ADD1: variants seen among roughly 807,000 people sequenced by gnomAD.
ADD1 encodes the protein adducin 1.
A neutral mutation model predicts 80.5 loss-of-function variants in ADD1; 24 were observed. The ratio of observed to expected loss-of-function variants is 0.30; its 90% CI spans 0.22 to 0.42. The LOEUF is 0.42. Among genes scored for constraint, ADD1 ranks in the 10% least tolerant of loss-of-function variants. The pLI, the probability that ADD1 is intolerant of heterozygous loss-of-function variation, is 1.00. For synonymous variants in ADD1, 373 were observed against 393.8 expected, an observed-to-expected ratio of 0.95 and a Z score of 0.63; for missense variants, 948 against 1,019.0, an observed-to-expected ratio of 0.93 and a Z score of 0.95.
At chr4:2,889,169 T>A (rs1181383428) in intron 4 of ADD1, among the ~76,000 whole-genome samples, 2 of 152,096 alleles carry the variant, frequency 1.3e-5, no homozygotes, top group Admixed American at 1.3e-4. Flanking sequence ...TGCAGAGGGA[T>A]CAGTAGGGCC....
intron 6 of ADD1, among the ~76,000 whole-genome samples, chr4:2,895,889 A>AT (rs1434204816): frequency 0.014 from 2,064 of 142,418 alleles, 21 homozygotes; most frequent in Non-Finnish European, 0.022. Flanking sequence ...GTAATGCTGT[A>AT]TTTTTTTTTT....
At position 2,908,512 on chromosome 4, in the gene ADD1, C is replaced by T. The variant is rs1041020211; in HGVS notation, c.1609-3C>T. Reference sequence around the variant, plus strand: ...GATGTGTGCCTCTCCTTCCCACCCTCAGATCCGAGAGCAGAATTTACAGGA... The same window carrying T: ...GATGTGTGCCTCTCCTTCCCACCCTTAGATCCGAGAGCAGAATTTACAGGA... On this transcript the variant is annotated splice_region_variant and splice_polypyrimidine_tract_variant and intron_variant, in intron 11 of 15. Transcript: ENST00000683351. 2 of 1,613,852 alleles carry T rather than the reference C, an allele frequency of 1.2e-6. No individual in the cohort carries two copies. The highest frequency in any genetic ancestry group is 3.3e-5 in the Admixed American group (2 of 60,012).
intron 4 of ADD1, chr4:2,887,486 A>G (rs1477510017): frequency 6.6e-6 from 1 of 151,538 alleles, no homozygotes; most frequent in East Asian, 1.9e-4. Flanking sequence ...GGGGTGGCCC[A>G]GTTAGCACAG....
chr4:2,848,075 C>G (rs543157433), intron 1 of ADD1, among the ~76,000 whole-genome samples: 1 of 152,052 alleles, frequency 6.6e-6, no homozygotes, highest in African/African-American at 2.4e-5. Context: ...ATTAGTCAGG[C>G]TTGGTGGTGG....
At chr4:2,854,723 A>G (rs181533809) in intron 1 of ADD1, 365 of 152,186 alleles carry the variant, frequency 2.4e-3, no homozygotes, top group African/African-American at 8.4e-3. Context: ...TTTGCCTGGT[A>G]TTTGTATTTT....
In ADD1 at chr4:2,895,944, A is replaced by G. The variant is rs1037085861; in HGVS notation, c.741+1213A>G. 3.3e-5 allele frequency among the ~76,000 whole-genome samples: 5 copies of G among 151,042 alleles called. No homozygotes were observed. The East Asian group carries it at 7.8e-4, about 23-fold the overall frequency. On this transcript the variant is annotated intron_variant, in intron 6 of 15. Transcript: ENST00000683351. ...GCTCTGTCATCCAGGCTGGAGTGCAATGGCGCGATCGCGGCTCACTGCAAG... is the reference window on the plus strand; with the variant it reads ...GCTCTGTCATCCAGGCTGGAGTGCAGTGGCGCGATCGCGGCTCACTGCAAG...
chr4:2,869,209 A>T (rs1730032306), intron 1 of ADD1, among the ~76,000 whole-genome samples: 1 of 152,130 alleles, frequency 6.6e-6, no homozygotes, highest in South Asian at 2.1e-4. Context: ...AACAACAGTA[A>T]TGTGTCATCT....
At chr4:2,897,277 A>G (rs1023499053) in intron 6 of ADD1, among the ~76,000 whole-genome samples, 4 of 151,986 alleles carry the variant, frequency 2.6e-5, no homozygotes, top group Non-Finnish European at 5.9e-5. Flanking sequence ...CAAAAATGGC[A>G]TATTCTGAGG....
At chr4:2,890,563 C>T (rs1253787709) in intron 4 of ADD1, among the ~76,000 whole-genome samples, 3 of 152,112 alleles carry the variant, frequency 2.0e-5, no homozygotes, top group African/African-American at 4.8e-5. Context: ...CCCGCCACCA[C>T]ACCCGGCTAA....
intron 1 of ADD1, among the ~76,000 whole-genome samples, chr4:2,869,446 G>T (rs1432855426): frequency 6.6e-6 from 1 of 152,182 alleles, no homozygotes; most frequent in East Asian, 1.9e-4. Flanking sequence ...AGTCATTTTG[G>T]ATTAGGTCTG....
chr4:2,909,921 TCAGA>T, intron 13 of ADD1, among the ~76,000 whole-genome samples: 1 of 149,946 alleles, frequency 6.7e-6, no homozygotes, highest in East Asian at 2.0e-4. Context: ...GAATGGGAAT[TCAGA>T]CAGTCTTTGT....
intron 1 of ADD1, chr4:2,854,806 T>C (rs1727824835): frequency 6.6e-6 from 1 of 152,224 alleles, no homozygotes; most frequent in Non-Finnish European, 1.5e-5. Flanking sequence ...CTGTAACAAG[T>C]TACCACATAC....
At chr4:2,897,565 T>TTTA (rs1329789975) in intron 6 of ADD1, among the ~76,000 whole-genome samples, 7 of 130,352 alleles carry the variant, frequency 5.4e-5, no homozygotes, top group Non-Finnish European at 1.1e-4. Context: ...TTTTTTTTTT[T>TTTA]AGGAGATGAG....
rs1733294541 is a variant in ADD1 at position 2,885,944 on chromosome 4, AG to A, written c.510+1281del. Reference sequence around the variant, plus strand: ...CTTGTTAGATTCACAGTGCATTGCCAGGGTTCTTCTGTTCCTTCACTCTTTT... The same window carrying A: ...CTTGTTAGATTCACAGTGCATTGCCAGGTTCTTCTGTTCCTTCACTCTTTT... On this transcript the variant is annotated intron_variant, in intron 4 of 15. Coordinates refer to ENST00000683351, the MANE Select transcript of ADD1 (RefSeq NM_001354761.2). Among the ~76,000 whole-genome samples the A allele has an allele frequency of 2.0e-5, 3 of 152,120 alleles. No homozygotes were observed. In the South Asian group the frequency reaches 6.2e-4, roughly 31 times the overall value.
intron 14 of ADD1, 88 bp downstream of exon 14, chr4:2,915,128 G>A (rs1738776464): frequency 3.5e-6 from 5 of 1,412,458 alleles, no homozygotes; most frequent in Non-Finnish European, 3.8e-6. Flanking sequence ...GGCTGTGGGT[G>A]GTGATAAGAA....
At chr4:2,892,601 G>A (rs1252451126) in intron 4 of ADD1, among the ~76,000 whole-genome samples, 3 of 152,146 alleles carry the variant, frequency 2.0e-5, no homozygotes, top group Non-Finnish European at 4.4e-5. Flanking sequence ...AGGCTGAGGC[G>A]GGAGGATTGC....
At chr4:2,881,234 C>T (rs1227506682) in intron 2 of ADD1, among the ~76,000 whole-genome samples, 4 of 151,656 alleles carry the variant, frequency 2.6e-5, no homozygotes, top group Admixed American at 1.3e-4. Context: ...CCCACCACCA[C>T]GCCTGGCTAA....
At chr4:2,920,445 T>C (rs998093196) in intron 14 of ADD1, among the ~76,000 whole-genome samples, 1 of 152,184 alleles carries the variant, frequency 6.6e-6, no homozygotes, top group Admixed American at 6.5e-5. Context: ...AATTTCTCAC[T>C]ATTATTGTGT....
intron 1 of ADD1, among the ~76,000 whole-genome samples, chr4:2,875,395 T>C (rs1397787641): frequency 6.6e-6 from 1 of 152,224 alleles, no homozygotes; most frequent in East Asian, 1.9e-4. Flanking sequence ...GAGGAACATT[T>C]ACCATTTTGT....
Sources: gnomAD v4.1 joint callset for allele counts (sites outside exome capture counted in the v4.1 genomes callset) on GRCh38, gnomAD v4.1.1 for gene constraint, MANE v1.5 for transcripts, NCBI Gene and HGNC (gene_info 2026-07-23, HGNC 2026-07-21) for gene names.